ATG7: variants seen among roughly 807,000 people sequenced by gnomAD.
The protein encoded by ATG7 is ubiquitin-like modifier-activating enzyme ATG7.
ATG7 carries 70 observed loss-of-function variants against 82.4 expected under a neutral mutation model. The ratio of observed to expected loss-of-function variants is 0.85; its 90% CI spans 0.70 to 1.04. The LOEUF is 1.04. Among genes scored for constraint, ATG7 ranks in the 50% least tolerant of loss-of-function variants. The pLI is 0.00. For synonymous variants in ATG7, 287 were observed against 313.0 expected, an observed-to-expected ratio of 0.92 and a Z score of 0.88; for missense variants, 792 against 864.3, an observed-to-expected ratio of 0.92 and a Z score of 1.05.
At chr3:11,343,065 A>C (rs931989314) in intron 13 of ATG7, among the ~76,000 whole-genome samples, 1 of 151,890 alleles carries the variant, frequency 6.6e-6, no homozygotes, top group Non-Finnish European at 1.5e-5. Context: ...AGTAGCTGGG[A>C]CTACAGGTGT....
rs542641838 is a variant in ATG7 at position 11,492,307 on chromosome 3, C to T, written c.2080-62504C>T. Among the ~76,000 whole-genome samples, 265 of 152,350 alleles carry T rather than the reference C, an allele frequency of 1.7e-3. 1 individual carries two copies. The highest frequency in any genetic ancestry group is 5.2e-3 in the African/African-American group (216 of 41,588). ...GCACTTCCCGAGTGAGGCAATGCCT[C>T]GCCCTGCTTCGGCTCGCACACGGTG... On this transcript the variant is annotated intron_variant, in intron 20 of 20. Coordinates refer to ENST00000693202, the MANE Select transcript of ATG7 (RefSeq NM_001349232.2).
intron 20 of ATG7, among the ~76,000 whole-genome samples, chr3:11,502,291 G>A (rs573572318): frequency 7.8e-4 from 116 of 148,970 alleles, no homozygotes; most frequent in African/African-American, 2.5e-3. Flanking sequence ...AGTTACATAC[G>A]TATACATGTG....
chr3:11,379,666 G>GT (rs1468036541), intron 18 of ATG7, among the ~76,000 whole-genome samples: 1 of 152,082 alleles, frequency 6.6e-6, no homozygotes. Flanking sequence ...GAAGACATTT[G>GT]TTAAAAAATA....
intron 20 of ATG7, among the ~76,000 whole-genome samples, chr3:11,451,892 C>CAT (rs1169980740): frequency 6.6e-6 from 1 of 150,912 alleles, no homozygotes; most frequent in East Asian, 1.9e-4. Flanking sequence ...CACAGACACA[C>CAT]ACACACACAG....
chr3:11,309,366 T>C (rs1228642070), intron 7 of ATG7, among the ~76,000 whole-genome samples: 1 of 152,076 alleles, frequency 6.6e-6, no homozygotes. Flanking sequence ...TTAAATACCA[T>C]CCTAAATACC....
chr3:11,491,576 C>T (rs1447262959), intron 20 of ATG7, among the ~76,000 whole-genome samples: 3 of 152,272 alleles, frequency 2.0e-5, no homozygotes, highest in Non-Finnish European at 2.9e-5. Flanking sequence ...AGTTTTTCTG[C>T]TCTGTTTTTT....
At chr3:11,564,917 G>A in the ATG7 span, 4 of 1,598,270 alleles carry the variant, frequency 2.5e-6, no homozygotes, top group African/African-American at 1.3e-5. Flanking sequence ...AGGTGTACAG[G>A]TGGCTGCCGT....
intron 9 of ATG7, among the ~76,000 whole-genome samples, chr3:11,316,432 T>C (rs1949421899): frequency 6.6e-6 from 1 of 152,248 alleles, no homozygotes; most frequent in South Asian, 2.1e-4. Flanking sequence ...CTAAAACATG[T>C]TCTACTTGTG....
Position 11,289,091 on chromosome 3 carries a change from A to G in ATG7, c.-11+6653A>G, listed in dbSNP as rs565881057. Among the ~76,000 whole-genome samples, 20 of 152,318 alleles carry G rather than the reference A, an allele frequency of 1.3e-4. No homozygotes were observed. In the South Asian group the frequency reaches 3.5e-3, roughly 27 times the overall value. ...TTGAAACACACTTACATTGATGCCT[A>G]TGTTAATTTCTTTCCTTGACTGTGT... On this transcript the variant is annotated intron_variant, in intron 3 of 20. Coordinates refer to ENST00000693202, the MANE Select transcript of ATG7 (RefSeq NM_001349232.2).
intron 20 of ATG7, among the ~76,000 whole-genome samples, chr3:11,444,868 GA>G (rs35561674): frequency 6.6e-6 from 1 of 151,974 alleles, no homozygotes; most frequent in East Asian, 1.9e-4. Flanking sequence ...AATTTACAAG[GA>G]AAAAACCCCA....
At chr3:11,515,247 G>C (rs912572610) in intron 20 of ATG7, among the ~76,000 whole-genome samples, 1 of 152,094 alleles carries the variant, frequency 6.6e-6, no homozygotes, top group Non-Finnish European at 1.5e-5. Context: ...GTGTGTTCAT[G>C]TCTCAACTGA....
chr3:11,299,525 C>A, intron 5 of ATG7, 109 bp downstream of exon 5: 1 of 1,154,500 alleles, frequency 8.7e-7, no homozygotes, highest in Non-Finnish European at 1.3e-6. Flanking sequence ...GGGAAGTTCC[C>A]GGTGGGCAGA....
At chr3:11,562,483 G>T (rs1437864928), downstream of ATG7, among the ~76,000 whole-genome samples, 2 of 152,134 alleles carry the variant, frequency 1.3e-5, no homozygotes, top group African/African-American at 4.8e-5. Flanking sequence ...GTCACCCCAG[G>T]AAGCCCCCTC....
At chr3:11,456,203 G>A (rs1166125209) in intron 20 of ATG7, among the ~76,000 whole-genome samples, 11 of 152,118 alleles carry the variant, frequency 7.2e-5, no homozygotes, top group Admixed American at 1.3e-4. Context: ...TCGGATTTGC[G>A]TGTTCTGAAC....
At chr3:11,576,113 G>C in the ATG7 span, among the ~76,000 whole-genome samples, 1 of 152,188 alleles carries the variant, frequency 6.6e-6, no homozygotes, top group South Asian at 2.1e-4. Context: ...GAACATGACC[G>C]GTAAAGCATC....
At chr3:11,308,279 A>G (rs953830929) in intron 6 of ATG7, among the ~76,000 whole-genome samples, 1 of 152,260 alleles carries the variant, frequency 6.6e-6, no homozygotes, top group Non-Finnish European at 1.5e-5. Flanking sequence ...TCTTATCTAC[A>G]AAAACATCTT....
chr3:11,344,307 T>C (rs1954141706), intron 13 of ATG7, among the ~76,000 whole-genome samples: 1 of 152,212 alleles, frequency 6.6e-6, no homozygotes, highest in Admixed American at 6.5e-5. Context: ...AGAGTTGATA[T>C]CTTTGTTTTA....
chr3:11,434,652 A>C (rs2083210121), intron 20 of ATG7, among the ~76,000 whole-genome samples: 1 of 152,224 alleles, frequency 6.6e-6, no homozygotes, highest in Non-Finnish European at 1.5e-5. Context: ...TTGCTGTCAG[A>C]GTTATCTACA....
the ATG7 span, chr3:11,568,630 C>T: frequency 5.5e-5 from 86 of 1,569,542 alleles, no homozygotes; most frequent in East Asian, 1.4e-3. This position sits in a 1 kb window ranked among gnomAD's most constrained non-coding sequence, Gnocchi z 5.9. Context: ...TCCTGGTTCC[C>T]GGAGCTTCAA....
Sources: gnomAD v4.1 joint callset for allele counts (sites outside exome capture counted in the v4.1 genomes callset) on GRCh38, gnomAD v4.1.1 for gene constraint, Gnocchi (gnomAD v3.1) non-coding constraint, MANE v1.5 for transcripts, NCBI Gene and HGNC (gene_info 2026-07-23, HGNC 2026-07-21) for gene names.